The following ASPH variants were observed in gnomAD, a reference collection of about 807,000 sequenced individuals.
The protein encoded by ASPH is aspartate beta-hydroxylase, also known as aspartyl/asparaginyl beta-hydroxylase.
In ASPH, 100 loss-of-function variants were observed where a neutral mutation model predicts 118.4. The observed-to-expected ratio is 0.84, with a 90% CI of 0.72 to 1.00. The LOEUF (loss-of-function observed/expected upper bound fraction) is 1.00, where lower values mean the gene tolerates loss of function less well. ASPH is among the 50% of genes least tolerant of loss of function. ASPH has a pLI of 0.00. For synonymous variants in ASPH, 315 were observed against 325.6 expected, an observed-to-expected ratio of 0.97 and a Z score of 0.35; for missense variants, 920 against 919.5, an observed-to-expected ratio of 1.00 and a Z score of -0.01.
Position 61,646,732 on chromosome 8 carries a change from G to GAA in ASPH, c.619+16_619+17dup, listed in dbSNP as rs764919786. The GAA allele has an allele frequency of 3.8e-6, 6 of 1,598,538 alleles. No individual in the cohort carries two copies. The African/African-American group carries it at 5.4e-5, about 14-fold the overall frequency. On this transcript the variant is annotated intron_variant, in intron 6 of 24. Transcript: ENST00000379454. ...TTGATTATATTTTATCCTAAAACTTGAAAAAAAAGTGTTCTACCTTCATGA... is the reference window on the plus strand; with the variant it reads ...TTGATTATATTTTATCCTAAAACTTGAAAAAAAAAAGTGTTCTACCTTCATGA...
At chr8:61,660,941 A>G (rs983790344) in intron 3 of ASPH, 52 of 152,184 alleles carry the variant, frequency 3.4e-4, no homozygotes, top group African/African-American at 9.9e-4. Flanking sequence ...CAAAACAAAC[A>G]TAAGTTTTTC....
rs544587842 is a variant in ASPH, at chr8:61,712,779, T to C, written c.103+1490A>G. Among the ~76,000 whole-genome samples, 30 of 152,328 alleles carry C rather than the reference T, an allele frequency of 2.0e-4. 2 individuals carry two copies. The South Asian group carries it at 6.0e-3, about 30-fold the overall frequency. On this transcript the variant is annotated intron_variant, in intron 1 of 24. Coordinates refer to ENST00000379454, the MANE Select transcript of ASPH (RefSeq NM_004318.4). ...TAGTTCTCACCAATAAGAGGCCATA[T>C]AAAGTGACTTCCCTCAGATGCAATC...
intron 4 of ASPH, among the ~76,000 whole-genome samples, chr8:61,652,791 C>G (rs753209195): frequency 6.6e-6 from 1 of 152,010 alleles, no homozygotes; most frequent in Non-Finnish European, 1.5e-5. Flanking sequence ...AATACATTGT[C>G]CTAGGATTAA....
intron 13 of ASPH, chr8:61,625,262 G>C (rs1852328639): frequency 2.0e-6 from 2 of 985,598 alleles, no homozygotes; most frequent in Non-Finnish European, 2.4e-6. Context: ...GAAAGAAAAA[G>C]GCTCATTGCC....
At chr8:61,692,632 A>T (rs1832888698) in intron 1 of ASPH, among the ~76,000 whole-genome samples, 1 of 152,302 alleles carries the variant, frequency 6.6e-6, no homozygotes, top group African/African-American at 2.4e-5. Flanking sequence ...ATGAGTCAGC[A>T]CTGAATACTT....
intron 21 of ASPH, among the ~76,000 whole-genome samples, chr8:61,539,149 G>A (rs1268827258): frequency 1.3e-5 from 2 of 152,186 alleles, no homozygotes; most frequent in African/African-American, 2.4e-5. Context: ...GTAGAGGCAT[G>A]AGAATCGCTT....
chr8:61,682,499 A>C, intron 2 of ASPH: 1 of 1,610,458 alleles, frequency 6.2e-7, no homozygotes, highest in African/African-American at 1.3e-5. Context: ...TGCATGTAAA[A>C]ACATGAAAAC....
chr8:61,652,176 T>C (rs1014905148), intron 4 of ASPH, among the ~76,000 whole-genome samples: 3 of 152,198 alleles, frequency 2.0e-5, no homozygotes, highest in South Asian at 2.1e-4. Context: ...CCAATCGCCA[T>C]CCTCTCTCAC....
intron 22 of ASPH, 77 bp downstream of exon 22, chr8:61,525,900 C>T: frequency 6.4e-7 from 1 of 1,551,014 alleles, no homozygotes; most frequent in Non-Finnish European, 8.7e-7. Context: ...TGGGAAGCAT[C>T]ACCAGAAGAC....
At chr8:61,512,207 C>G (rs1259049853) in intron 24 of ASPH, among the ~76,000 whole-genome samples, 2 of 152,176 alleles carry the variant, frequency 1.3e-5, no homozygotes, top group African/African-American at 4.8e-5. Flanking sequence ...CCCTGTCCCC[C>G]TTCCCTGCTA....
intron 2 of ASPH, chr8:61,682,301 C>A: frequency 2.5e-6 from 2 of 812,062 alleles, no homozygotes; most frequent in Non-Finnish European, 3.9e-6. Context: ...GAAAATACTA[C>A]CCTTTCTGAC....
chr8:61,526,806 A>G lies in ASPH; in HGVS notation c.1765-694T>C, dbSNP rs368143530. Among the ~76,000 whole-genome samples, 192 of 152,220 alleles carry G rather than the reference A, an allele frequency of 1.3e-3. 2 individuals carry two copies. The highest frequency in any genetic ancestry group is 4.3e-3 in the African/African-American group (179 of 41,538). On this transcript the variant is annotated intron_variant, in intron 21 of 24. Coordinates refer to ENST00000379454, the MANE Select transcript of ASPH (RefSeq NM_004318.4). The stretch of plus-strand genomic sequence containing the variant: ...GATCCTGTGGAAGATCCTCTGGGCA[A>G]TCTGCACCATCACACTGGGTGTTGA...
chr8:61,564,158 A>G (rs76105310), intron 17 of ASPH, among the ~76,000 whole-genome samples: 2,343 of 152,140 alleles, frequency 0.015, 61 homozygotes, highest in African/African-American at 0.054. Flanking sequence ...AGTTTAATGC[A>G]TCCTTTTAAA....
chr8:61,627,823 G>T (rs1348952377), intron 13 of ASPH, among the ~76,000 whole-genome samples: 1 of 152,076 alleles, frequency 6.6e-6, no homozygotes, highest in East Asian at 1.9e-4. Flanking sequence ...CCAAAACCAG[G>T]ACCGTCATCT....
chr8:61,569,915 T>C (rs1832939847), intron 16 of ASPH, among the ~76,000 whole-genome samples: 1 of 152,200 alleles, frequency 6.6e-6, no homozygotes, highest in Non-Finnish European at 1.5e-5. Flanking sequence ...CTCTTCTGTA[T>C]AGGTATCAGC....
At chr8:61,678,377 T>C (rs1400420003) in intron 3 of ASPH, among the ~76,000 whole-genome samples, 1 of 152,166 alleles carries the variant, frequency 6.6e-6, no homozygotes, top group Admixed American at 6.5e-5. Flanking sequence ...AAGATACCTA[T>C]ATTTTAGTTA....
chr8:61,581,263 T>G (rs1471525262), intron 15 of ASPH, among the ~76,000 whole-genome samples: 1 of 152,244 alleles, frequency 6.6e-6, no homozygotes, highest in Non-Finnish European at 1.5e-5. Context: ...CCTAAGTTTT[T>G]GTATAGCTCC....
Position 61,663,278 on chromosome 8 carries a change from T to C in ASPH, c.323-9618A>G, listed in dbSNP as rs908363270. 3 of 985,198 alleles carry C rather than the reference T, an allele frequency of 3.0e-6. No individual in the cohort carries two copies. The African/African-American group carries it at 5.2e-5, about 17-fold the overall frequency. 61.0% of individuals were successfully genotyped at this position (985,198 alleles called of 1,614,324 possible). A position where few individuals can be genotyped will look rare whatever the true frequency, so the allele number is the denominator to read the frequency against. On this transcript the variant is annotated intron_variant, in intron 3 of 24. Transcript: ENST00000379454. ...ACTCAACTCCCATTCCAAAGCTTTG[T>C]GCACAGGTGTGCGCCTGGGAAGAAT...
chr8:61,571,301 C>T (rs749032730), intron 16 of ASPH, among the ~76,000 whole-genome samples: 2 of 152,130 alleles, frequency 1.3e-5, no homozygotes, highest in African/African-American at 2.4e-5. Flanking sequence ...TCTACTGTGA[C>T]ATAAGGATAT....
Sources: gnomAD v4.1 joint callset for allele counts (sites outside exome capture counted in the v4.1 genomes callset) on GRCh38, gnomAD v4.1.1 for gene constraint, MANE v1.5 for transcripts, NCBI Gene and HGNC (gene_info 2026-07-23, HGNC 2026-07-21) for gene names.